Variants in ZPBP observed in about 807,000 individuals in gnomAD.
ZPBP encodes zona pellucida binding protein.
In ZPBP, 26 loss-of-function variants were observed where a neutral mutation model predicts 44.8. The observed-to-expected ratio is 0.58, with a 90% confidence interval of 0.43 to 0.81. The LOEUF is 0.81. Ranked by LOEUF, ZPBP falls within the 30% of genes least tolerant of loss-of-function variation. The pLI, the probability that ZPBP is intolerant of heterozygous loss-of-function variation, is 0.00. For missense variants in ZPBP, 409 were observed against 434.0 expected (o/e 0.94, Z 0.51); for synonymous variants, 174 against 153.2 (o/e 1.14, Z -1.00).
intron 1 of ZPBP, among the ~76,000 whole-genome samples, chr7:49,924,160 C>A (rs1842905): frequency 6.8e-6 from 1 of 147,522 alleles, no homozygotes; most frequent in Non-Finnish European, 1.5e-5. Flanking sequence ...ATAATAATAA[C>A]AACGTTATAA....
intron 2 of ZPBP, among the ~76,000 whole-genome samples, chr7:49,881,218 C>G (rs1191644047): frequency 6.6e-6 from 1 of 152,052 alleles, no homozygotes; most frequent in Non-Finnish European, 1.5e-5. Context: ...GGAGGAGAGT[C>G]CTGTTCAGGT....
At chr7:50,035,599 C>G (rs1377300105) in intron 4 of ZPBP, among the ~76,000 whole-genome samples, 2 of 152,038 alleles carry the variant, frequency 1.3e-5, no homozygotes, top group African/African-American at 4.8e-5. Context: ...AACAGGAAAA[C>G]AGGCAAAATA....
intron 6 of ZPBP, among the ~76,000 whole-genome samples, chr7:49,996,676 A>G (rs1797865280): frequency 6.6e-6 from 1 of 152,214 alleles, no homozygotes; most frequent in Non-Finnish European, 1.5e-5. Context: ...GATTGAGGTG[A>G]CTTGATCTTC....
intron 4 of ZPBP, among the ~76,000 whole-genome samples, chr7:50,039,061 G>C (rs1260393943): frequency 1.3e-5 from 2 of 152,058 alleles, no homozygotes; most frequent in African/African-American, 4.8e-5. Flanking sequence ...GTAAGGAAAC[G>C]GGACATATAC....
intron 2 of ZPBP, among the ~76,000 whole-genome samples, chr7:49,868,300 GA>G (rs1419349670): frequency 3.3e-5 from 5 of 152,090 alleles, no homozygotes; most frequent in African/African-American, 1.2e-4. Flanking sequence ...TTTTAAAGCC[GA>G]GACTTGTTTT....
chr7:49,917,770 G>A (rs1392730350), intron 1 of ZPBP: 2 of 151,840 alleles, frequency 1.3e-5, no homozygotes, highest in Non-Finnish European at 2.9e-5. Flanking sequence ...TTTATTTAAT[G>A]ATTAATATTT....
intron 7 of ZPBP, chr7:49,943,552 A>C: frequency 2.6e-6 from 1 of 390,736 alleles, no homozygotes; most frequent in Non-Finnish European, 5.0e-6. Flanking sequence ...AAGCTGAATA[A>C]ATGCTCCTTT....
At chr7:49,993,454 A>T (rs1316936837) in intron 6 of ZPBP, among the ~76,000 whole-genome samples, 1 of 152,224 alleles carries the variant, frequency 6.6e-6, no homozygotes, top group Non-Finnish European at 1.5e-5. Flanking sequence ...TGATTGAAAC[A>T]TTCCAATTAA....
chr7:49,902,709 T>C (rs1383377373), intron 1 of ZPBP, among the ~76,000 whole-genome samples: 1 of 152,046 alleles, frequency 6.6e-6, no homozygotes, highest in African/African-American at 2.4e-5. Flanking sequence ...CTTGATGAGT[T>C]GTTAGGACAT....
downstream of ZPBP, among the ~76,000 whole-genome samples, chr7:49,937,079 T>A (rs1794643521): frequency 6.6e-6 from 1 of 152,178 alleles, no homozygotes; most frequent in South Asian, 2.1e-4. Context: ...ACCACAGGCT[T>A]TAAATATGGC....
Position 50,018,328 on chromosome 7 carries a change from T to C in ZPBP, c.707-12A>G, listed in dbSNP as rs1479589534. The stretch of plus-strand genomic sequence containing the variant: ...GTCTAGAGATGAAACTGAGAAAATA[T>C]ATTATATTTTATCATGGGTATAATG... On this transcript the variant is annotated splice_polypyrimidine_tract_variant and intron_variant, in intron 5 of 7. Transcript: ENST00000046087. 16 of 1,562,576 alleles carry C rather than the reference T, an allele frequency of 1.0e-5. No individual in the cohort carries two copies. The highest frequency in any genetic ancestry group is 1.3e-5 in the Non-Finnish European group (15 of 1,137,326).
chr7:49,895,000 G>C (rs1792314347), intron 2 of ZPBP, among the ~76,000 whole-genome samples: 1 of 152,164 alleles, frequency 6.6e-6, no homozygotes, highest in South Asian at 2.1e-4. Context: ...AAATGTGCTA[G>C]GCCATTCTGA....
chr7:49,951,905 C>T (rs1479915867), intron 7 of ZPBP, among the ~76,000 whole-genome samples: 1 of 151,678 alleles, frequency 6.6e-6, no homozygotes, highest in African/African-American at 2.4e-5. Context: ...GAATGTAGCA[C>T]TGATACATGC....
intron 2 of ZPBP, among the ~76,000 whole-genome samples, chr7:49,881,205 AGAG>A (rs1475560209): frequency 6.6e-6 from 1 of 152,092 alleles, no homozygotes; most frequent in Non-Finnish European, 1.5e-5. Context: ...GCTTGAGCCG[AGAG>A]GAGGAGAGTC....
intron 4 of ZPBP, among the ~76,000 whole-genome samples, chr7:50,034,501 A>C (rs1799741896): frequency 6.6e-6 from 1 of 152,190 alleles, no homozygotes; most frequent in Non-Finnish European, 1.5e-5. Flanking sequence ...TTTGAGTCAA[A>C]ATCTAAAATA....
intron 4 of ZPBP, among the ~76,000 whole-genome samples, chr7:50,049,891 C>G (rs182661744): frequency 1.3e-5 from 2 of 151,648 alleles, no homozygotes; most frequent in Non-Finnish European, 2.9e-5. Flanking sequence ...AAATGTCTCA[C>G]GAAGAATCTA....
intron 4 of ZPBP, among the ~76,000 whole-genome samples, chr7:50,051,738 T>C (rs1800707850): frequency 6.6e-6 from 1 of 151,952 alleles, no homozygotes; most frequent in African/African-American, 2.4e-5. Flanking sequence ...ATATTCTCAC[T>C]TATAAGTGGG....
At chr7:49,911,691 G>C (rs1793443035) in intron 1 of ZPBP, among the ~76,000 whole-genome samples, 1 of 151,828 alleles carries the variant, frequency 6.6e-6, no homozygotes, top group African/African-American at 2.4e-5. Flanking sequence ...GAAGTCAGGA[G>C]TTCAAGACCA....
intron 2 of ZPBP, among the ~76,000 whole-genome samples, chr7:49,859,790 GCACA>G (rs57768700): frequency 0.019 from 227 of 12,012 alleles, 1 homozygote; most frequent in Non-Finnish European, 0.031. Context: ...GCGCGTGCGT[GCACA>G]CACACACACA....
Sources: allele counts gnomAD v4.1 joint callset (sites outside exome capture counted in the v4.1 genomes callset), GRCh38; gene constraint gnomAD v4.1.1; transcripts MANE v1.5; gene names NCBI Gene and HGNC (gene_info 2026-07-23, HGNC 2026-07-21).